The following ZNF569 variants were observed in gnomAD, a reference collection of about 807,000 sequenced individuals.
ZNF569 encodes zinc finger protein 569.
Under a neutral mutation model 56.3 loss-of-function variants are expected in ZNF569, and 38 were observed. The observed-to-expected ratio is 0.68, with a 90% CI of 0.52 to 0.88. The LOEUF is 0.88. Ranked by LOEUF, ZNF569 falls within the 40% of genes least tolerant of loss-of-function variation. The pLI, the probability that ZNF569 is intolerant of heterozygous loss-of-function variation, is 0.00. For missense variants in ZNF569, 666 were observed against 809.2 expected, an observed-to-expected ratio of 0.82 and a Z score of 2.15; for synonymous variants, 241 against 262.9, an observed-to-expected ratio of 0.92 and a Z score of 0.81.
chr19:37,444,656 A>T (rs75098734), intron 3 of ZNF569, among the ~76,000 whole-genome samples: 23,998 of 152,122 alleles, frequency 0.16, 1,948 homozygotes, highest in Middle Eastern at 0.27. Context: ...TTATGTAACA[A>T]ATTTTTGCTC....
intron 3 of ZNF569, among the ~76,000 whole-genome samples, chr19:37,435,512 G>A (rs975756743): frequency 6.6e-6 from 1 of 152,076 alleles, no homozygotes; most frequent in Non-Finnish European, 1.5e-5. Context: ...ACATTTGAAT[G>A]TAAAGCTCTC....
chr19:37,465,704 AC>A (rs1291254946), intron 1 of ZNF569, among the ~76,000 whole-genome samples: 1 of 152,200 alleles, frequency 6.6e-6, no homozygotes, highest in African/African-American at 2.4e-5. Context: ...GATTATTGGA[AC>A]TTTACAGAAT....
chr19:37,411,833 G>C lies in ZNF569; in HGVS notation c.*764C>G, dbSNP rs1357594985. ...CCTGTATCTTCTTGGATTTTTGTAT[G>C]AATGCTCACTATCTTACTACTGCTT... On this transcript the variant is annotated 3_prime_UTR_variant, in exon 6 of 6. Transcript: ENST00000316950. The C allele has an allele frequency of 2.6e-5, 4 of 152,070 alleles. No individual in the cohort carries two copies. Among genetic ancestry groups the C allele is most frequent in the African/African-American group, 9.7e-5 (4 of 41,422 alleles). 9.4% of individuals were successfully genotyped at this position (152,070 alleles called of 1,614,324 possible). A position where few individuals can be genotyped will look rare whatever the true frequency, so the allele number is the denominator to read the frequency against.
chr19:37,442,486 G>A (rs2041422755), intron 3 of ZNF569, among the ~76,000 whole-genome samples: 1 of 152,094 alleles, frequency 6.6e-6, no homozygotes, highest in Non-Finnish European at 1.5e-5. Context: ...TACCAAGAGG[G>A]GCTTTGTAAG....
At chr19:37,454,085 T>A (rs748282103) in intron 2 of ZNF569, among the ~76,000 whole-genome samples, 2 of 152,058 alleles carry the variant, frequency 1.3e-5, no homozygotes, top group Non-Finnish European at 2.9e-5. Flanking sequence ...GTCTATTCAA[T>A]AGCTGGACAG....
At chr19:37,442,236 A>G (rs1205740038) in intron 3 of ZNF569, among the ~76,000 whole-genome samples, 1 of 152,230 alleles carries the variant, frequency 6.6e-6, no homozygotes, top group African/African-American at 2.4e-5. Context: ...CAGAAACTCT[A>G]CTTTGAATTT....
intron 5 of ZNF569, among the ~76,000 whole-genome samples, chr19:37,421,931 G>A (rs2041044858): frequency 6.6e-6 from 1 of 151,292 alleles, no homozygotes; most frequent in African/African-American, 2.4e-5. Flanking sequence ...TGTATTTTTA[G>A]TAGAGACAGG....
intron 3 of ZNF569, among the ~76,000 whole-genome samples, chr19:37,437,015 CAAA>C (rs368735580): frequency 4.0e-5 from 4 of 100,150 alleles, no homozygotes; most frequent in South Asian, 6.0e-4. Context: ...CAAGACACAT[CAAA>C]AAAAAAAAAA....
intron 3 of ZNF569, among the ~76,000 whole-genome samples, chr19:37,444,033 A>T (rs1423453197): frequency 1.3e-5 from 2 of 152,080 alleles, no homozygotes; most frequent in African/African-American, 4.8e-5. Context: ...ATAAATAAAT[A>T]AGTAAATAAA....
chr19:37,435,948 AATC>A (rs1198216905), intron 3 of ZNF569, among the ~76,000 whole-genome samples: 1 of 152,188 alleles, frequency 6.6e-6, no homozygotes, highest in East Asian at 1.9e-4. Flanking sequence ...TCCAGATAGA[AATC>A]AACAAAGAAC....
intron 3 of ZNF569, among the ~76,000 whole-genome samples, chr19:37,439,746 A>G (rs2041373311): frequency 6.6e-6 from 1 of 152,256 alleles, no homozygotes; most frequent in African/African-American, 2.4e-5. Flanking sequence ...AGAGCCTATC[A>G]TTTGCAACAA....
chr19:37,430,108 T>C (rs770766617), intron 3 of ZNF569, among the ~76,000 whole-genome samples: 2 of 151,818 alleles, frequency 1.3e-5, no homozygotes, highest in Middle Eastern at 3.4e-3. Flanking sequence ...GGTGGGAGGA[T>C]TGATTTAGCC....
At chr19:37,415,679 G>A (rs1043322693) in intron 5 of ZNF569, among the ~76,000 whole-genome samples, 4 of 149,830 alleles carry the variant, frequency 2.7e-5, no homozygotes, top group Non-Finnish European at 5.9e-5. Flanking sequence ...GACCATCCTG[G>A]CTAACACAGT....
chr19:37,469,136 A>C, upstream of ZNF569: 47 of 1,094,150 alleles, frequency 4.3e-5, no homozygotes, highest in East Asian at 3.6e-4. Flanking sequence ...GCTGCAGGGA[A>C]TCCGGACTTT....
chr19:37,443,943 G>C lies in ZNF569; in HGVS notation c.15+964C>G, dbSNP rs533876826. On this transcript the variant is annotated intron_variant, in intron 3 of 5. Coordinates refer to ENST00000316950, the MANE Select transcript of ZNF569 (RefSeq NM_152484.3). The stretch of plus-strand genomic sequence containing the variant: ...TGAGGCAAGAGAATCACTTGAACCC[G>C]GGAGGCAGAGGTTGCAGTGAGCTGA... Among the ~76,000 whole-genome samples the C allele has an allele frequency of 3.9e-5, 6 of 152,108 alleles. No individual in the cohort carries two copies. In the South Asian group the frequency reaches 1.2e-3, roughly 32 times the overall value.
At chr19:37,444,519 GAGA>G (rs2041461574) in intron 3 of ZNF569, among the ~76,000 whole-genome samples, 1 of 152,108 alleles carries the variant, frequency 6.6e-6, no homozygotes, top group East Asian at 1.9e-4. Context: ...TTGATCGAAA[GAGA>G]ACATCAAAAG....
chr19:37,440,568 T>C (rs1489063215), intron 3 of ZNF569, among the ~76,000 whole-genome samples: 1 of 152,130 alleles, frequency 6.6e-6, no homozygotes, highest in Admixed American at 6.5e-5. Context: ...ATTTTAAATA[T>C]GTATGTGAAT....
At chr19:37,466,516 A>G (rs1487473722) in intron 1 of ZNF569, among the ~76,000 whole-genome samples, 1 of 151,956 alleles carries the variant, frequency 6.6e-6, no homozygotes, top group African/African-American at 2.4e-5. Flanking sequence ...AATCCCAGCT[A>G]CTCGGGAGGC....
At chr19:37,445,096 T>G in intron 2 of ZNF569, 132 bp from the exon 3 acceptor site, 3 of 670,280 alleles carry the variant, frequency 4.5e-6, no homozygotes, top group Non-Finnish European at 7.3e-6. Flanking sequence ...AGAATATTCA[T>G]ACCACAAAGG....
Sources: gnomAD v4.1 joint callset for allele counts (sites outside exome capture counted in the v4.1 genomes callset) on GRCh38, gnomAD v4.1.1 for gene constraint, MANE v1.5 for transcripts, NCBI Gene and HGNC (gene_info 2026-07-23, HGNC 2026-07-21) for gene names.